Variants in PMFBP1 observed in about 807,000 individuals in gnomAD.
PMFBP1 encodes the protein polyamine modulated factor 1 binding protein 1.
In PMFBP1, 131 loss-of-function variants were observed where a neutral mutation model predicts 137.8. That is an observed-to-expected ratio of 0.95 (90% CI 0.82 to 1.10). PMFBP1 has a LOEUF of 1.10. Ranked by LOEUF, PMFBP1 falls within the 50% of genes least tolerant of loss-of-function variation. The probability of loss-of-function intolerance (pLI) is 0.00; values close to 1 mark genes in which losing one functional copy is unlikely to be tolerated. For missense variants in PMFBP1, 1,199 were observed against 1,175.4 expected (o/e 1.02, Z -0.29); for synonymous variants, 490 against 450.4 (o/e 1.09, Z -1.11).
chr16:72,229,409 A>G, the PMFBP1 span, among the ~76,000 whole-genome samples: 1 of 152,188 alleles, frequency 6.6e-6, no homozygotes, highest in African/African-American at 2.4e-5. Context: ...GTTCTGTTTT[A>G]AGTTCTTCGA....
intron 3 of PMFBP1, among the ~76,000 whole-genome samples, chr16:72,158,973 C>T (rs2043022960): frequency 6.6e-6 from 1 of 152,190 alleles, no homozygotes; most frequent in Admixed American, 6.5e-5. Flanking sequence ...CCAGCCTGGG[C>T]AACAGAGCAA....
chr16:72,236,480 G>T, the PMFBP1 span, among the ~76,000 whole-genome samples: 1 of 152,162 alleles, frequency 6.6e-6, no homozygotes, highest in African/African-American at 2.4e-5. Flanking sequence ...ACCAGCAAAA[G>T]ATAAAATTGA....
the PMFBP1 span, among the ~76,000 whole-genome samples, chr16:72,205,376 T>C: frequency 6.6e-6 from 1 of 152,216 alleles, no homozygotes; most frequent in Non-Finnish European, 1.5e-5. Context: ...ACAGCTCCTT[T>C]TGGAGAGCAT....
chr16:72,129,445 T>C lies in PMFBP1; in HGVS notation c.1783-212A>G, dbSNP rs1200084033. On this transcript the variant is annotated intron_variant, in intron 12 of 20. Transcript: ENST00000237353. ...TACCAATTTATTTTATTTATTGATC[T>C]AATTCCTAAGCACCAGCTTTCTCTC... Among the ~76,000 whole-genome samples the C allele has an allele frequency of 2.6e-5, 4 of 152,380 alleles. No homozygotes were observed. In the East Asian group the frequency reaches 7.7e-4, roughly 29 times the overall value.
chr16:72,128,690 G>C lies in PMFBP1; in HGVS notation c.2055C>G (p.Thr685=). 1 of 1,614,114 alleles carries C rather than the reference G, an allele frequency of 6.2e-7. No individual in the cohort carries two copies. The highest frequency in any genetic ancestry group is 8.5e-7 in the Non-Finnish European group (1 of 1,180,016). The change falls in exon 14 of 21, where the codon ACC becomes ACG. Residue 685 remains threonine (T), a synonymous_variant. Transcript: ENST00000237353. Reference sequence around the variant, plus strand: ...TCAAGTCTTGGATGACTTGCTGGCTGGTGTTGTATTTGTTGAGAGAGGATT... The same window carrying C: ...TCAAGTCTTGGATGACTTGCTGGCTCGTGTTGTATTTGTTGAGAGAGGATT... ...QLESSLNKYN[T]SQQVIQDLNK...
At chr16:72,211,792 C>T in the PMFBP1 span, among the ~76,000 whole-genome samples, 4 of 151,998 alleles carry the variant, frequency 2.6e-5, no homozygotes, top group East Asian at 3.9e-4. Context: ...CTCAGGAGTT[C>T]GAGAGCAGTG....
chr16:72,125,127 G>A, intron 16 of PMFBP1, 111 bp downstream of exon 16: 2 of 1,447,818 alleles, frequency 1.4e-6, no homozygotes, highest in East Asian at 2.3e-5. Flanking sequence ...AGAAAGTGGA[G>A]GGAACCTAGC....
chr16:72,195,817 G>A, the PMFBP1 span, among the ~76,000 whole-genome samples: 1 of 152,242 alleles, frequency 6.6e-6, no homozygotes, highest in Non-Finnish European at 1.5e-5. Context: ...GGCTTGGCCA[G>A]GGCCGTCCTG....
intron 2 of PMFBP1, among the ~76,000 whole-genome samples, chr16:72,167,793 C>T (rs1025608859): frequency 3.7e-4 from 56 of 152,242 alleles, no homozygotes; most frequent in Admixed American, 2.0e-4. Context: ...GCTGAATATA[C>T]GTGTCTTAAG....
At chr16:72,125,199 C>G (rs770418756) in intron 16 of PMFBP1, 39 bp downstream of exon 16, 1 of 1,598,152 alleles carries the variant, frequency 6.3e-7, no homozygotes, top group Non-Finnish European at 8.5e-7. Flanking sequence ...TTGTGGACCC[C>G]TACCAGGAAG....
chr16:72,190,808 T>C, the PMFBP1 span, among the ~76,000 whole-genome samples: 3 of 152,176 alleles, frequency 2.0e-5, no homozygotes, highest in East Asian at 1.9e-4. Context: ...CAGTGAAGCA[T>C]AACATTAACA....
the PMFBP1 span, among the ~76,000 whole-genome samples, chr16:72,239,915 A>AAAAAAAAAATG: frequency 6.9e-6 from 1 of 145,050 alleles, no homozygotes; most frequent in Non-Finnish European, 1.5e-5. Context: ...AAAAAAAAAA[A>AAAAAAAAAATG]AAGAATGTTC....
intron 3 of PMFBP1, among the ~76,000 whole-genome samples, chr16:72,155,397 C>T (rs1435442570): frequency 6.6e-6 from 1 of 152,170 alleles, no homozygotes; most frequent in Non-Finnish European, 1.5e-5. Flanking sequence ...GTCTTTGCAC[C>T]AGTACCACAG....
chr16:72,197,964 G>A, the PMFBP1 span, among the ~76,000 whole-genome samples: 1 of 152,164 alleles, frequency 6.6e-6, no homozygotes, highest in African/African-American at 2.4e-5. Flanking sequence ...AGTGGCAACA[G>A]CTGAGTGAAA....
At chr16:72,204,472 G>C in the PMFBP1 span, among the ~76,000 whole-genome samples, 1 of 152,104 alleles carries the variant, frequency 6.6e-6, no homozygotes, top group African/African-American at 2.4e-5. Flanking sequence ...CAAAGTGCTG[G>C]GATTACAGGC....
At chr16:72,220,136 A>G in the PMFBP1 span, among the ~76,000 whole-genome samples, 1 of 152,262 alleles carries the variant, frequency 6.6e-6, no homozygotes, top group Non-Finnish European at 1.5e-5. Flanking sequence ...ATATATATCA[A>G]GAGCCTTAAA....
intron 3 of PMFBP1, among the ~76,000 whole-genome samples, chr16:72,160,588 T>C (rs1219440326): frequency 6.6e-6 from 1 of 152,202 alleles, no homozygotes; most frequent in Non-Finnish European, 1.5e-5. Context: ...ATTTTTTTTT[T>C]CATTTAAGAA....
chr16:72,190,357 C>G, the PMFBP1 span, among the ~76,000 whole-genome samples: 1 of 152,164 alleles, frequency 6.6e-6, no homozygotes, highest in East Asian at 1.9e-4. Context: ...GCTCGTGAAG[C>G]TAGAGGCAAG....
intron 3 of PMFBP1, 181 bp downstream of exon 3, chr16:72,164,583 G>A: frequency 8.2e-7 from 1 of 1,220,780 alleles, no homozygotes; most frequent in Non-Finnish European, 1.2e-6. Flanking sequence ...AGGCAGGACT[G>A]GCATTTTCCA....
Sources: allele counts gnomAD v4.1 joint callset (sites outside exome capture counted in the v4.1 genomes callset), GRCh38; gene constraint gnomAD v4.1.1; transcripts MANE v1.5; gene names NCBI Gene and HGNC (gene_info 2026-07-23, HGNC 2026-07-21).